SLC25A13: variants seen among roughly 807,000 people sequenced by gnomAD.
The protein encoded by SLC25A13 is solute carrier family 25 member 13.
Under a neutral mutation model 85.5 loss-of-function variants are expected in SLC25A13, and 70 were observed. That is an observed-to-expected ratio of 0.82 (90% CI 0.68 to 1.00). The LOEUF is 1.00. Among genes scored for constraint, SLC25A13 ranks in the 50% least tolerant of loss-of-function variants. SLC25A13 has a pLI of 0.00. For missense variants in SLC25A13, 765 were observed against 819.8 expected (o/e 0.93, Z 0.82); for synonymous variants, 259 against 288.7 (o/e 0.90, Z 1.04).
chr7:96,128,387 G>A (rs777926772), intron 15 of SLC25A13, among the ~76,000 whole-genome samples: 2 of 152,100 alleles, frequency 1.3e-5, no homozygotes, highest in Non-Finnish European at 2.9e-5. Flanking sequence ...AATTGGAATG[G>A]TAACTATGAC....
chr7:96,159,761 A>T (rs887880675), intron 13 of SLC25A13, among the ~76,000 whole-genome samples: 3 of 152,238 alleles, frequency 2.0e-5, no homozygotes, highest in African/African-American at 7.2e-5. Context: ...ATTATTAACA[A>T]TATTGAAAAG....
intron 13 of SLC25A13, among the ~76,000 whole-genome samples, chr7:96,154,822 G>C (rs1191589968): frequency 1.4e-5 from 2 of 145,506 alleles, no homozygotes; most frequent in Non-Finnish European, 3.0e-5. Flanking sequence ...TTTTAAGACA[G>C]AGTCTCTCTC....
chr7:96,133,375 G>A (rs894531566), intron 14 of SLC25A13, among the ~76,000 whole-genome samples: 3 of 152,150 alleles, frequency 2.0e-5, no homozygotes, highest in African/African-American at 7.2e-5. Flanking sequence ...ACAAACTAAC[G>A]TCCTGGACAG....
At chr7:96,220,401 G>T (rs542520638) in intron 4 of SLC25A13, among the ~76,000 whole-genome samples, 1 of 152,216 alleles carries the variant, frequency 6.6e-6, no homozygotes, top group South Asian at 2.1e-4. Context: ...AAATGTCTAA[G>T]TATCCACCCC....
chr7:96,321,911 G>A, intron 1 of SLC25A13, 31 bp downstream of exon 1: 2 of 1,525,980 alleles, frequency 1.3e-6, no homozygotes, highest in Admixed American at 2.0e-5. Flanking sequence ...TCCGGCAGGC[G>A]CGCTCCCCCC....
chr7:96,233,695 C>G (rs1005318090), intron 4 of SLC25A13, among the ~76,000 whole-genome samples: 6 of 152,010 alleles, frequency 3.9e-5, no homozygotes, highest in African/African-American at 1.5e-4. Flanking sequence ...TAATTTGGCT[C>G]AGAGACAACA....
intron 11 of SLC25A13, among the ~76,000 whole-genome samples, chr7:96,173,138 G>A (rs17167385): frequency 0.013 from 2,001 of 152,300 alleles, 39 homozygotes; most frequent in African/African-American, 0.046. Context: ...TATAAAGGGG[G>A]AAAACTAAAA....
intron 1 of SLC25A13, among the ~76,000 whole-genome samples, chr7:96,302,538 A>C (rs1450823271): frequency 2.0e-4 from 30 of 152,230 alleles, no homozygotes; most frequent in Non-Finnish European, 7.3e-5. Context: ...AATAAAATGC[A>C]AAGAAAAGCA....
intron 2 of SLC25A13, among the ~76,000 whole-genome samples, chr7:96,282,667 G>C (rs1798733945): frequency 6.6e-6 from 1 of 152,130 alleles, no homozygotes; most frequent in South Asian, 2.1e-4. Flanking sequence ...ATTATTTAGG[G>C]TGAATTATAG....
intron 13 of SLC25A13, among the ~76,000 whole-genome samples, chr7:96,167,620 C>T (rs952442488): frequency 6.6e-6 from 1 of 152,182 alleles, no homozygotes; most frequent in African/African-American, 2.4e-5. Context: ...AAAGTCAACA[C>T]CTAGCAATGC....
intron 4 of SLC25A13, among the ~76,000 whole-genome samples, chr7:96,223,649 G>T (rs979124474): frequency 1.3e-5 from 2 of 152,046 alleles, no homozygotes; most frequent in Non-Finnish European, 1.5e-5. Flanking sequence ...TTAGCTGGGC[G>T]TGGCGATGTG....
At chr7:96,147,930 CT>C (rs796679264) in intron 13 of SLC25A13, among the ~76,000 whole-genome samples, 2,071 of 143,222 alleles carry the variant, frequency 0.014, 33 homozygotes, top group African/African-American at 0.04. Flanking sequence ...CTTTCTTTTC[CT>C]TTTTTTTTTT....
chr7:96,163,497 C>T (rs1307852881), intron 13 of SLC25A13, among the ~76,000 whole-genome samples: 2 of 152,184 alleles, frequency 1.3e-5, no homozygotes, highest in East Asian at 1.9e-4. Context: ...CATAGAACCA[C>T]AAGAGAGAAT....
In SLC25A13 at chr7:96,277,341, GT is replaced by G. The variant is rs777215018; in HGVS notation, c.70-4del. 6.2e-7 allele frequency: 1 copy of G among 1,609,282 alleles called. No individual in the cohort carries two copies. On this transcript the variant is annotated splice_polypyrimidine_tract_variant and splice_region_variant and intron_variant, in intron 2 of 17. Transcript: ENST00000265631. ...CCGTTTTTCTCAATGCTTGCATACT[GT>G]TTAAAAAAAAGAAAAACAGTATTTT...
At chr7:96,217,895 T>C in intron 4 of SLC25A13, among the ~76,000 whole-genome samples, 1 of 136,200 alleles carries the variant, frequency 7.3e-6, no homozygotes. Context: ...CAACAAAGCT[T>C]TCTCTGAAAA....
At chr7:96,291,520 T>C (rs982787171) in intron 2 of SLC25A13, among the ~76,000 whole-genome samples, 7 of 152,034 alleles carry the variant, frequency 4.6e-5, no homozygotes, top group South Asian at 2.1e-4. Context: ...ACAAAATTGA[T>C]AGACTGCTAG....
intron 2 of SLC25A13, among the ~76,000 whole-genome samples, chr7:96,290,246 G>A (rs1799062666): frequency 6.6e-6 from 1 of 152,054 alleles, no homozygotes; most frequent in African/African-American, 2.4e-5. Context: ...GTCAACACCA[G>A]GCCTGCCCTA....
At chr7:96,227,983 G>A (rs1228966624) in intron 4 of SLC25A13, among the ~76,000 whole-genome samples, 1 of 152,062 alleles carries the variant, frequency 6.6e-6, no homozygotes, top group African/African-American at 2.4e-5. Flanking sequence ...TCCTGCCTCA[G>A]CCTCCTGAGT....
rs1007670278 is a variant in SLC25A13, at chr7:96,321,810, G to A, written c.15+132C>T. On this transcript the variant is annotated intron_variant, in intron 1 of 17. Transcript: ENST00000265631. The stretch of plus-strand genomic sequence containing the variant: ...GGCCCCCTCCCTCCAGCAGCCGCAA[G>A]GTGGAACGGCTGCCCGGCACCCCAT... 8 of 1,199,538 alleles carry A rather than the reference G, an allele frequency of 6.7e-6. No homozygotes were observed. In the South Asian group the frequency reaches 1.3e-4, roughly 19 times the overall value. The allele number at this position is 1,199,538 out of a possible 1,614,324, so 74.3% of individuals were successfully genotyped here. A position where few individuals can be genotyped will look rare whatever the true frequency, so the allele number is the denominator to read the frequency against.
Sources: gnomAD v4.1 joint callset for allele counts (sites outside exome capture counted in the v4.1 genomes callset) on GRCh38, gnomAD v4.1.1 for gene constraint, MANE v1.5 for transcripts, NCBI Gene and HGNC (gene_info 2026-07-23, HGNC 2026-07-21) for gene names.